Variants in CORO1C observed in about 807,000 individuals in gnomAD.
CORO1C encodes coronin 1C, also known as coronin-1C.
In CORO1C, 14 loss-of-function variants were observed where a neutral mutation model predicts 51.2. That is an observed-to-expected ratio of 0.27 (90% confidence interval 0.18 to 0.43). The LOEUF (loss-of-function observed/expected upper bound fraction) is 0.43. Among genes scored for constraint, CORO1C ranks in the 20% least tolerant of loss-of-function variants. The pLI is 1.00. For missense variants in CORO1C, 417 were observed against 607.8 expected (o/e 0.69, Z 3.30); for synonymous variants, 181 against 210.5 (o/e 0.86, Z 1.21).
intron 1 of CORO1C, among the ~76,000 whole-genome samples, chr12:108,711,961 C>T (rs2035193195): frequency 1.3e-5 from 2 of 152,148 alleles, no homozygotes; most frequent in South Asian, 2.1e-4. Flanking sequence ...GCTAGGAACA[C>T]ATACAGGAAA....
At chr12:108,656,151 C>A (rs1313477095) in intron 6 of CORO1C, among the ~76,000 whole-genome samples, 1 of 58,906 alleles carries the variant, frequency 1.7e-5, no homozygotes, top group Non-Finnish European at 3.6e-5. Flanking sequence ...CGGCAGCCGC[C>A]CCGTCTGAGA....
chr12:108,701,071 A>G, intron 2 of CORO1C, 53 bp downstream of exon 2: 2 of 1,573,506 alleles, frequency 1.3e-6, no homozygotes, highest in East Asian at 2.2e-5. Flanking sequence ...TTAAGGAAAA[A>G]GTATGGAGAC....
At chr12:108,685,105 G>C (rs2034252443) in intron 2 of CORO1C, among the ~76,000 whole-genome samples, 1 of 152,152 alleles carries the variant, frequency 6.6e-6, no homozygotes, top group South Asian at 2.1e-4. Flanking sequence ...GGAAGTACTA[G>C]CACTAGTTGT....
rs2035312071 is a variant in CORO1C, at chr12:108,715,666, C to CGGCAGAACCA, written c.-5-14344_-5-14343insTGGTTCTGCC. ...CCCTCCCCCCCGCATACTCACAACA[C>CGGCAGAACCA]TGGCAGCAGCCATCTCCCTAAAGTG... On this transcript the variant is annotated intron_variant, in intron 1 of 10. Transcript: ENST00000261401. 2.1e-4 allele frequency among the ~76,000 whole-genome samples: 5 copies of CGGCAGAACCA among 23,836 alleles called. No individual in the cohort carries two copies. The South Asian group carries it at 0.016, about 78-fold the overall frequency. 15.6% of individuals were successfully genotyped at this position (23,836 alleles called of 152,430 possible).
intron 3 of CORO1C, among the ~76,000 whole-genome samples, chr12:108,669,117 C>T (rs1190683592): frequency 6.6e-6 from 1 of 152,104 alleles, no homozygotes; most frequent in Non-Finnish European, 1.5e-5. Context: ...AAAGAAGCCA[C>T]GTCTAAAAAA....
intron 1 of CORO1C, among the ~76,000 whole-genome samples, chr12:108,708,231 A>T (rs1047763377): frequency 6.6e-6 from 1 of 152,310 alleles, no homozygotes; most frequent in Admixed American, 6.5e-5. Flanking sequence ...CAACCCAAAT[A>T]CAGACTATCC....
intron 2 of CORO1C, among the ~76,000 whole-genome samples, chr12:108,699,426 C>G (rs1439443158): frequency 1.3e-5 from 2 of 152,130 alleles, no homozygotes; most frequent in African/African-American, 4.8e-5. Context: ...TTGGCTTGTT[C>G]CATTTCTTTG....
intron 8 of CORO1C, chr12:108,649,544 CAAG>C (rs2032545592): frequency 6.3e-6 from 1 of 158,928 alleles, no homozygotes; most frequent in Non-Finnish European, 1.4e-5. Flanking sequence ...ACATGACACT[CAAG>C]AAAAATGTGA....
intron 1 of CORO1C, among the ~76,000 whole-genome samples, chr12:108,710,292 G>C (rs752627508): frequency 6.6e-6 from 1 of 152,136 alleles, no homozygotes; most frequent in Non-Finnish European, 1.5e-5. Context: ...TTTTCCAGGT[G>C]ATACTGAAGG....
chr12:108,673,873 T>TATA (rs1397149706), intron 3 of CORO1C, among the ~76,000 whole-genome samples: 1 of 151,724 alleles, frequency 6.6e-6, no homozygotes, highest in South Asian at 2.1e-4. Context: ...AAACTTAAAG[T>TATA]ATAATAATAA....
intron 1 of CORO1C, among the ~76,000 whole-genome samples, chr12:108,706,639 G>T (rs867094905): frequency 4.3e-4 from 65 of 152,198 alleles, no homozygotes; most frequent in African/African-American, 1.5e-3. Flanking sequence ...CTGTCACCCA[G>T]GGTGGAGCGC....
At chr12:108,666,934 T>A (rs962320153) in intron 3 of CORO1C, among the ~76,000 whole-genome samples, 3 of 152,182 alleles carry the variant, frequency 2.0e-5, no homozygotes, top group African/African-American at 7.2e-5. Flanking sequence ...GCTGAGCCTT[T>A]TATCAGCTGT....
rs533057193 is a variant in CORO1C at position 108,729,938 on chromosome 12, A to G, written c.-6+1491T>C. Among the ~76,000 whole-genome samples, 3 of 152,332 alleles carry G rather than the reference A, an allele frequency of 2.0e-5. No individual in the cohort carries two copies. The East Asian group carries it at 5.8e-4, about 29-fold the overall frequency. ...CTGCCAGATAAGGACAATGAGATGC[A>G]TTATTATATAGAGTGACTAAGAGCC... On this transcript the variant is annotated intron_variant, in intron 1 of 10. Coordinates refer to ENST00000261401, the MANE Select transcript of CORO1C (RefSeq NM_014325.4).
chr12:108,665,983 T>C (rs1478647850), intron 3 of CORO1C, among the ~76,000 whole-genome samples: 1 of 152,236 alleles, frequency 6.6e-6, no homozygotes, highest in South Asian at 2.1e-4. Flanking sequence ...GAGTGTTAGT[T>C]GGTATTATTG....
chr12:108,704,898 G>A (rs1158559451), intron 1 of CORO1C, among the ~76,000 whole-genome samples: 1 of 152,198 alleles, frequency 6.6e-6, no homozygotes, highest in Non-Finnish European at 1.5e-5. Context: ...TCCATTAAGT[G>A]TAAAATTCTC....
chr12:108,697,067 C>T (rs952286057), intron 2 of CORO1C, among the ~76,000 whole-genome samples: 2 of 152,194 alleles, frequency 1.3e-5, no homozygotes, highest in African/African-American at 4.8e-5. Context: ...TCCTGGAAGA[C>T]AGAAACCATG....
chr12:108,719,967 T>C (rs1378633132), intron 1 of CORO1C, among the ~76,000 whole-genome samples: 3 of 152,158 alleles, frequency 2.0e-5, no homozygotes, highest in Non-Finnish European at 4.4e-5. Flanking sequence ...AGAGGATCAC[T>C]TGAGCCCAAG....
Position 108,648,990 on chromosome 12 carries a change from T to G in CORO1C, c.1032A>C (p.Glu344Asp). Residue 344 changes from glutamate (E) to aspartate (D), a missense_variant, in exon 9 of 11, where the codon GAA becomes GAC. Physicochemically the swap from Glu to Asp is conservative, Grantham distance 45. Coordinates refer to ENST00000261401, the MANE Select transcript of CORO1C (RefSeq NM_014325.4). The stretch of plus-strand genomic sequence containing the variant: ...TCCTGGGAACAGTCATAATAATAGG[T>G]TCACACTTTCTCTCATGAAGTTTGA... The part of the protein sequence containing the change: ...RFFKLHERKC[E>D]PIIMTVPRKS... 1 of 1,614,164 alleles carries G rather than the reference T, an allele frequency of 6.2e-7. No homozygotes were observed. The highest frequency in any genetic ancestry group is 8.5e-7 in the Non-Finnish European group (1 of 1,180,034).
intron 3 of CORO1C, among the ~76,000 whole-genome samples, chr12:108,669,102 T>C (rs1262594205): frequency 2.0e-5 from 3 of 152,222 alleles, no homozygotes; most frequent in Non-Finnish European, 2.9e-5. Flanking sequence ...AATTTTAGGC[T>C]GTGTAAAGAA....
Sources: gnomAD v4.1 joint callset for allele counts (sites outside exome capture counted in the v4.1 genomes callset) on GRCh38, gnomAD v4.1.1 for gene constraint, MANE v1.5 for transcripts, NCBI Gene and HGNC (gene_info 2026-07-23, HGNC 2026-07-21) for gene names.